The following PSD3 variants were observed in gnomAD, a reference collection of about 807,000 sequenced individuals.
The protein encoded by PSD3 is PH and SEC7 domain-containing protein 3.
PSD3 carries 49 observed loss-of-function variants against 105.5 expected under a neutral mutation model. That is an observed-to-expected ratio of 0.46 (90% CI 0.37 to 0.59). The LOEUF is 0.59. PSD3 is among the 20% of genes least tolerant of loss of function. The pLI is 0.00. For missense variants in PSD3, 1,561 were observed against 1,263.8 expected (o/e 1.24, Z -3.57); for synonymous variants, 557 against 457.8 (o/e 1.22, Z -2.77).
intron 9 of PSD3, among the ~76,000 whole-genome samples, chr8:18,698,300 G>A (rs1801376971): frequency 6.6e-6 from 1 of 152,056 alleles, no homozygotes. Flanking sequence ...AAAAATTTTT[G>A]TAGAGATGAG....
chr8:18,778,519 T>A (rs939181553), intron 8 of PSD3, among the ~76,000 whole-genome samples: 2 of 152,132 alleles, frequency 1.3e-5, no homozygotes, highest in African/African-American at 2.4e-5. Context: ...AAGGTGAGCA[T>A]CCTTATCTTG....
chr8:18,705,695 CATCTAT>C (rs1201862213), intron 9 of PSD3, among the ~76,000 whole-genome samples: 2 of 151,760 alleles, frequency 1.3e-5, no homozygotes, highest in Non-Finnish European at 2.9e-5. Context: ...AATATGTGTT[CATCTAT>C]ATCTATATTA....
intron 2 of PSD3, among the ~76,000 whole-genome samples, chr8:18,897,026 C>T (rs1025838178): frequency 6.6e-6 from 1 of 150,776 alleles, no homozygotes; most frequent in African/African-American, 2.4e-5. Context: ...AGGCTGGTCT[C>T]GAACTCCTGA....
At chr8:18,770,552 G>C (rs1807424164) in intron 8 of PSD3, among the ~76,000 whole-genome samples, 1 of 152,154 alleles carries the variant, frequency 6.6e-6, no homozygotes, top group Non-Finnish European at 1.5e-5. Context: ...CAAATCTGCT[G>C]TGTTCCACCC....
chr8:19,014,539 A>C (rs1000805988), upstream of PSD3: 1 of 152,280 alleles, frequency 6.6e-6, no homozygotes, highest in African/African-American at 2.4e-5. This position sits in a 1 kb window ranked among gnomAD's most constrained non-coding sequence, Gnocchi z 4.9. Flanking sequence ...AGAGACCGCA[A>C]ATCTTTCCCC....
intron 1 of PSD3, among the ~76,000 whole-genome samples, chr8:18,943,214 T>C (rs1043909302): frequency 1.3e-5 from 2 of 152,198 alleles, no homozygotes; most frequent in African/African-American, 4.8e-5. Context: ...GCAACCACAG[T>C]AGTTCCATTT....
At chr8:19,047,110 C>T (rs897726335) in intron 1 of PSD3, among the ~76,000 whole-genome samples, 3 of 152,204 alleles carry the variant, frequency 2.0e-5, no homozygotes, top group Non-Finnish European at 1.5e-5. Flanking sequence ...TACACAGGGA[C>T]ATAAATCTCT....
At chr8:18,590,814 C>A (rs1803546131) in intron 12 of PSD3, among the ~76,000 whole-genome samples, 1 of 151,910 alleles carries the variant, frequency 6.6e-6, no homozygotes, top group Non-Finnish European at 1.5e-5. Context: ...AGAAACAAAA[C>A]CATAATTACA....
intron 9 of PSD3, among the ~76,000 whole-genome samples, chr8:18,754,446 T>C (rs1805862045): frequency 6.6e-6 from 1 of 152,182 alleles, no homozygotes; most frequent in African/African-American, 2.4e-5. Flanking sequence ...GTCTGTGTTC[T>C]ATTAAATTCA....
At chr8:18,663,533 T>C (rs1211731180) in intron 9 of PSD3, among the ~76,000 whole-genome samples, 1 of 152,216 alleles carries the variant, frequency 6.6e-6, no homozygotes, top group Admixed American at 6.5e-5. Context: ...TATGCATTCA[T>C]TTATTTATTT....
At chr8:19,060,421 C>G (rs1170184652) in intron 1 of PSD3, among the ~76,000 whole-genome samples, 1 of 152,152 alleles carries the variant, frequency 6.6e-6, no homozygotes, top group Non-Finnish European at 1.5e-5. Flanking sequence ...TAGCTCCACT[C>G]TAACATATTA....
intron 3 of PSD3, among the ~76,000 whole-genome samples, chr8:18,870,887 G>A (rs1465937832): frequency 2.0e-5 from 3 of 152,040 alleles, no homozygotes; most frequent in Non-Finnish European, 4.4e-5. Flanking sequence ...ATCACTTGAT[G>A]CGAGGAGTTT....
At chr8:18,913,622 C>A (rs921949284) in intron 2 of PSD3, among the ~76,000 whole-genome samples, 14 of 152,076 alleles carry the variant, frequency 9.2e-5, no homozygotes, top group African/African-American at 3.4e-4. Flanking sequence ...AACCCAGGAC[C>A]CAGGCCCATC....
intron 11 of PSD3, among the ~76,000 whole-genome samples, chr8:18,605,591 AT>A (rs765334501): frequency 5.3e-5 from 8 of 152,072 alleles, no homozygotes; most frequent in African/African-American, 9.7e-5. Flanking sequence ...GCATGATTGT[AT>A]TTTGCCATGT....
chr8:18,955,616 T>C (rs1823517979), intron 1 of PSD3, among the ~76,000 whole-genome samples: 3 of 152,102 alleles, frequency 2.0e-5, no homozygotes, highest in Admixed American at 2.0e-4. Context: ...GGAGACAACA[T>C]TGAGATCAAA....
intron 9 of PSD3, among the ~76,000 whole-genome samples, chr8:18,728,459 G>C (rs145506855): frequency 6.6e-6 from 1 of 152,192 alleles, no homozygotes; most frequent in South Asian, 2.1e-4. Context: ...AGACTTGAAG[G>C]GTGAGTATGA....
chr8:18,999,383 C>T (rs2059650), intron 1 of PSD3, among the ~76,000 whole-genome samples: 125,494 of 151,666 alleles, frequency 0.83, 52,568 homozygotes, highest in East Asian at 0.95. Context: ...CAGTACCTGG[C>T]GCTCAGGCTG....
intron 13 of PSD3, among the ~76,000 whole-genome samples, chr8:18,574,731 C>G (rs370533445): frequency 6.6e-6 from 1 of 152,132 alleles, no homozygotes; most frequent in Non-Finnish European, 1.5e-5. Context: ...AAACGTTATC[C>G]CCCACACTAG....
intron 11 of PSD3, among the ~76,000 whole-genome samples, chr8:18,617,708 C>T (rs1285066919): frequency 6.6e-6 from 1 of 152,066 alleles, no homozygotes; most frequent in Non-Finnish European, 1.5e-5. Flanking sequence ...CCTCATTATG[C>T]CCTCCTCCCT....
Sources: allele counts gnomAD v4.1 joint callset (sites outside exome capture counted in the v4.1 genomes callset), GRCh38; gene constraint gnomAD v4.1.1; non-coding constraint Gnocchi (gnomAD v3.1); transcripts MANE v1.5; gene names NCBI Gene and HGNC (gene_info 2026-07-23, HGNC 2026-07-21).